The following FOXP2 variants were observed in gnomAD, a reference collection of about 807,000 sequenced individuals.
FOXP2 encodes the protein forkhead box protein P2.
A neutral mutation model predicts 115.8 loss-of-function variants in FOXP2; 12 were observed. The observed-to-expected ratio is 0.10, with a 90% CI of 0.07 to 0.17. The LOEUF is 0.17. Among genes scored for constraint, FOXP2 ranks in the 10% least tolerant of loss-of-function variants. The probability of loss-of-function intolerance (pLI) is 1.00; values close to 1 mark genes in which losing one functional copy is unlikely to be tolerated. For missense variants in FOXP2, 629 were observed against 843.5 expected (o/e 0.75, Z 3.15); for synonymous variants, 328 against 297.7 (o/e 1.10, Z -1.05).
At chr7:114,551,385 G>C (rs912959087) in intron 3 of FOXP2, among the ~76,000 whole-genome samples, 1 of 151,994 alleles carries the variant, frequency 6.6e-6, no homozygotes, top group Non-Finnish European at 1.5e-5. Context: ...AACAAAACTC[G>C]TGGTTTGAGG....
At chr7:114,379,453 G>T (rs542626583) in intron 2 of FOXP2, among the ~76,000 whole-genome samples, 2 of 152,200 alleles carry the variant, frequency 1.3e-5, no homozygotes, top group Non-Finnish European at 1.5e-5. Context: ...TGTTGTTGGG[G>T]AGGTTGGCCG....
intron 3 of FOXP2, among the ~76,000 whole-genome samples, chr7:114,591,835 A>T (rs1037219612): frequency 2.0e-5 from 3 of 152,050 alleles, no homozygotes; most frequent in Non-Finnish European, 4.4e-5. Context: ...TTGTCCAGAG[A>T]ATGTTCTACA....
chr7:114,284,255 C>T (rs997801857), intron 1 of FOXP2, among the ~76,000 whole-genome samples: 1 of 150,608 alleles, frequency 6.6e-6, no homozygotes, highest in Non-Finnish European at 1.5e-5. Flanking sequence ...CCTGTATATA[C>T]CCTGTCTCTC....
chr7:114,692,422 A>C lies in FOXP2; in HGVS notation c.*2496A>C, dbSNP rs1181772363. 4 of 449,994 alleles carry C rather than the reference A, an allele frequency of 8.9e-6. No homozygotes were observed. The Admixed American group carries it at 9.6e-5, about 11-fold the overall frequency. 27.9% of individuals were successfully genotyped at this position (449,994 alleles called of 1,614,324 possible). A position where few individuals can be genotyped will look rare whatever the true frequency, so the allele number is the denominator to read the frequency against. On this transcript the variant is annotated 3_prime_UTR_variant, in exon 17 of 17. Transcript: ENST00000350908. ...TGCAATTGCTTTGAAAATAGATTTT[A>C]GGTTTTTTGGAGTTTCCTGAAATGC...
At chr7:114,664,142 C>A in intron 15 of FOXP2, 131 bp from the exon 16 acceptor site, 1 of 1,050,902 alleles carries the variant, frequency 9.5e-7, no homozygotes, top group South Asian at 1.5e-5. Context: ...AATTTTTTTT[C>A]AATACATTTT....
intron 2 of FOXP2, among the ~76,000 whole-genome samples, chr7:114,360,397 C>T (rs1277391611): frequency 1.3e-5 from 2 of 152,070 alleles, no homozygotes; most frequent in Non-Finnish European, 2.9e-5. Flanking sequence ...TCCTTTCACC[C>T]TTTTAGATAA....
At chr7:114,514,986 C>G (rs1178832450) in intron 2 of FOXP2, among the ~76,000 whole-genome samples, 1 of 151,130 alleles carries the variant, frequency 6.6e-6, no homozygotes, top group Admixed American at 6.6e-5. Context: ...TTTGTTCTTG[C>G]AATAGTTTAC....
intron 2 of FOXP2, among the ~76,000 whole-genome samples, chr7:114,445,259 A>T (rs1455887020): frequency 6.6e-6 from 1 of 152,128 alleles, no homozygotes; most frequent in African/African-American, 2.4e-5. Flanking sequence ...TCTTAGAACT[A>T]TTTGAAGAAC....
chr7:114,153,809 A>G lies in FOXP2; in HGVS notation c.-246-9135A>G, dbSNP rs534420255. ...CAAACCTTCTCTGATATGGAAGTTC[A>G]TTAGAGATATGTCTTTGATGGCAGC... On this transcript the variant is annotated intron_variant, in intron 1 of 19. Coordinates refer to the FOXP2 transcript ENST00000635638. 1.4e-4 allele frequency among the ~76,000 whole-genome samples: 22 copies of G among 152,262 alleles called. No homozygotes were observed. In the East Asian group the frequency reaches 3.9e-3, roughly 27 times the overall value.
intron 3 of FOXP2, among the ~76,000 whole-genome samples, chr7:114,608,703 G>A (rs1200964560): frequency 2.0e-5 from 3 of 152,126 alleles, no homozygotes; most frequent in Admixed American, 1.3e-4. Context: ...ACCACTGACC[G>A]AAGTAATAAA....
Position 114,578,836 on chromosome 7 carries a change from T to C in FOXP2, c.258+44130T>C, listed in dbSNP as rs142459910. Among the ~76,000 whole-genome samples the C allele has an allele frequency of 3.0e-3, 461 of 152,222 alleles. 3 individuals are homozygous for C. Among genetic ancestry groups the C allele is most frequent in the African/African-American group, 0.01 (432 of 41,580 alleles). ...GAAAATTTAAGGTTCCTCAGTGATT[T>C]CCTCAGAAATGTTTTAAAGTGAATT... On this transcript the variant is annotated intron_variant, in intron 3 of 16. Transcript: ENST00000350908.
chr7:114,149,677 A>G (rs537400870), intron 1 of FOXP2, among the ~76,000 whole-genome samples: 3 of 152,116 alleles, frequency 2.0e-5, no homozygotes, highest in Non-Finnish European at 4.4e-5. Flanking sequence ...AGAAATGAAC[A>G]TCAGCTGGAG....
intron 1 of FOXP2, among the ~76,000 whole-genome samples, chr7:114,099,114 G>A (rs1210992783): frequency 2.6e-5 from 4 of 152,022 alleles, no homozygotes; most frequent in Non-Finnish European, 5.9e-5. Flanking sequence ...CACCATGGGC[G>A]ACAGAGCATG....
chr7:114,262,542 A>T (rs115459817), intron 1 of FOXP2, among the ~76,000 whole-genome samples: 6,726 of 152,166 alleles, frequency 0.044, 357 homozygotes, highest in African/African-American at 0.13. Context: ...GATTTTTTTT[A>T]AAAAAAGAAA....
At chr7:114,218,359 G>A (rs1460547412) in intron 1 of FOXP2, among the ~76,000 whole-genome samples, 3 of 152,038 alleles carry the variant, frequency 2.0e-5, no homozygotes, top group Admixed American at 6.6e-5. Context: ...AGTAGATGTG[G>A]CCCTCAGCTT....
chr7:114,127,492 A>C (rs1791747449), intron 1 of FOXP2, among the ~76,000 whole-genome samples: 1 of 152,184 alleles, frequency 6.6e-6, no homozygotes, highest in African/African-American at 2.4e-5. Context: ...AAGACTTAGA[A>C]TTCAGAAAGG....
chr7:114,234,839 G>T (rs563065954), intron 1 of FOXP2, among the ~76,000 whole-genome samples: 1 of 152,016 alleles, frequency 6.6e-6, no homozygotes, highest in Non-Finnish European at 1.5e-5. Context: ...TAGATCATAT[G>T]TCTCTACCTA....
chr7:114,632,417 T>C (rs546139475), intron 6 of FOXP2, among the ~76,000 whole-genome samples: 1 of 152,322 alleles, frequency 6.6e-6, no homozygotes, highest in South Asian at 2.1e-4. Flanking sequence ...AGACAAATAA[T>C]GGTAAACAAA....
intron 2 of FOXP2, among the ~76,000 whole-genome samples, chr7:114,288,614 C>T (rs557752456): frequency 6.6e-6 from 1 of 151,746 alleles, no homozygotes; most frequent in Admixed American, 6.6e-5. Flanking sequence ...GAGATCCAGT[C>T]AGCTATTTTG....
Sources: allele counts gnomAD v4.1 joint callset (sites outside exome capture counted in the v4.1 genomes callset), GRCh38; gene constraint gnomAD v4.1.1; transcripts MANE v1.5; gene names NCBI Gene and HGNC (gene_info 2026-07-23, HGNC 2026-07-21).